ASAP2: variants seen among roughly 807,000 people sequenced by gnomAD.
ASAP2 encodes the protein arf-GAP with SH3 domain, ANK repeat and PH domain-containing protein 2.
Under a neutral mutation model 131.4 loss-of-function variants are expected in ASAP2, and 45 were observed. The observed-to-expected ratio is 0.34, with a 90% CI of 0.27 to 0.44. The LOEUF is 0.44. Ranked by LOEUF, ASAP2 falls within the 20% of genes least tolerant of loss-of-function variation. The probability of loss-of-function intolerance (pLI) is 1.00; values close to 1 mark genes in which losing one functional copy is unlikely to be tolerated. For synonymous variants in ASAP2, 510 were observed against 503.0 expected (o/e 1.01, Z -0.19); for missense variants, 1,011 against 1,297.0 (o/e 0.78, Z 3.39).
intron 1 of ASAP2, among the ~76,000 whole-genome samples, chr2:9,226,092 C>A (rs555137439): frequency 6.6e-6 from 1 of 152,330 alleles, no homozygotes; most frequent in Non-Finnish European, 1.5e-5. Context: ...CTCATGCGAG[C>A]TAGTCTCACC....
intron 9 of ASAP2, among the ~76,000 whole-genome samples, chr2:9,343,569 C>T (rs1381505018): frequency 2.0e-5 from 3 of 152,178 alleles, no homozygotes; most frequent in Non-Finnish European, 4.4e-5. Flanking sequence ...GCTTCAGCCT[C>T]CCGCATACCT....
intron 1 of ASAP2, among the ~76,000 whole-genome samples, chr2:9,248,912 G>A (rs1477619525): frequency 1.3e-5 from 2 of 152,142 alleles, no homozygotes; most frequent in African/African-American, 4.8e-5. Flanking sequence ...TGTCATGGAA[G>A]CTCTCCATGT....
At chr2:9,211,504 C>T (rs1459945550) in intron 1 of ASAP2, among the ~76,000 whole-genome samples, 1 of 152,056 alleles carries the variant, frequency 6.6e-6, no homozygotes, top group Non-Finnish European at 1.5e-5. Context: ...TCCTTTATAG[C>T]ACCATCCATT....
At chr2:9,298,383 G>A (rs1668279580) in intron 3 of ASAP2, among the ~76,000 whole-genome samples, 1 of 152,228 alleles carries the variant, frequency 6.6e-6, no homozygotes, top group Admixed American at 6.5e-5. Context: ...ATGGGAAGGG[G>A]AAGAGCAGGA....
chr2:9,383,111 C>T (rs1026370356), intron 20 of ASAP2, among the ~76,000 whole-genome samples: 4 of 150,176 alleles, frequency 2.7e-5, no homozygotes, highest in Non-Finnish European at 5.9e-5. Context: ...GGGGGGGCCA[C>T]GGGACTGTTT....
chr2:9,212,820 C>T (rs1044449758), intron 1 of ASAP2, among the ~76,000 whole-genome samples: 1 of 152,108 alleles, frequency 6.6e-6, no homozygotes, highest in Non-Finnish European at 1.5e-5. Flanking sequence ...AAATGCAGAG[C>T]CCCGGGTTCC....
chr2:9,343,502 A>G (rs1180063832), intron 9 of ASAP2, among the ~76,000 whole-genome samples: 1 of 152,136 alleles, frequency 6.6e-6, no homozygotes, highest in Non-Finnish European at 1.5e-5. Context: ...GTTGGAGTGC[A>G]GTGGTGCTAT....
intron 1 of ASAP2, among the ~76,000 whole-genome samples, chr2:9,263,553 T>A (rs1665725277): frequency 6.6e-6 from 1 of 152,264 alleles, no homozygotes; most frequent in Non-Finnish European, 1.5e-5. Context: ...TACTGTCATC[T>A]GTTTCCGTTT....
chr2:9,343,902 A>G (rs1671772776), intron 9 of ASAP2, among the ~76,000 whole-genome samples: 1 of 152,188 alleles, frequency 6.6e-6, no homozygotes, highest in Non-Finnish European at 1.5e-5. Flanking sequence ...TCAGCTGACC[A>G]TGTGGATGGT....
chr2:9,380,920 T>G (rs1446800529), intron 20 of ASAP2, 112 bp downstream of exon 20: 1 of 1,144,288 alleles, frequency 8.7e-7, no homozygotes, highest in Non-Finnish European at 1.2e-6. Context: ...CAGAGCTCAG[T>G]GTTTCTGATG....
intron 24 of ASAP2, among the ~76,000 whole-genome samples, chr2:9,396,892 C>G (rs983919071): frequency 3.3e-5 from 5 of 152,188 alleles, no homozygotes; most frequent in Admixed American, 2.6e-4. Context: ...ATCCCAGCTA[C>G]TCGGGAGGCA....
Position 9,268,067 on chromosome 2 carries a change from C to T in ASAP2, c.127-11250C>T, listed in dbSNP as rs1326151056. 6.6e-6 allele frequency among the ~76,000 whole-genome samples: 1 copy of T among 152,096 alleles called. No individual in the cohort carries two copies. The highest frequency in any genetic ancestry group is 1.5e-5 in the Non-Finnish European group (1 of 68,026). On this transcript the variant is annotated intron_variant, in intron 1 of 27. Coordinates refer to ENST00000281419, the MANE Select transcript of ASAP2 (RefSeq NM_003887.3). The surrounding 1 kb of genome is among the most constrained non-coding windows in gnomAD (Gnocchi z 4.1). ...GTAGTTTGCCAACAAGGTGTATATC[C>T]CTAAACATAAACAATTTAGTTTGGC... is the stretch of plus-strand genomic sequence containing the variant.
At chr2:9,323,338 T>C in intron 6 of ASAP2, 88 bp downstream of exon 6, 1 of 1,543,828 alleles carries the variant, frequency 6.5e-7, no homozygotes, top group Non-Finnish European at 8.7e-7. Flanking sequence ...TACCAGCGGC[T>C]TCAGAGAAAA....
chr2:9,345,868 A>C (rs1483884965), intron 11 of ASAP2, among the ~76,000 whole-genome samples: 1 of 152,090 alleles, frequency 6.6e-6, no homozygotes, highest in Non-Finnish European at 1.5e-5. Context: ...ACCCCAGCCG[A>C]AGCATGTCAC....
rs1675790764 is a variant in ASAP2 at position 9,392,290 on chromosome 2, C to T, written c.2518+1094C>T. Among the ~76,000 whole-genome samples the T allele has an allele frequency of 1.3e-5, 2 of 152,326 alleles. No homozygotes were observed. Among genetic ancestry groups the T allele is most frequent in the Admixed American group, 6.5e-5 (1 of 15,304 alleles). ...GTCTTTTTTCACTGGATCAGAGAAG[C>T]GAGCCCTGGATGCTGCCCTGTCTCC... On this transcript the variant is annotated intron_variant, in intron 23 of 27. Transcript: ENST00000281419. The surrounding 1 kb of genome is among the most constrained non-coding windows in gnomAD (Gnocchi z 4.0).
chr2:9,258,314 T>C (rs1665309076), intron 1 of ASAP2, among the ~76,000 whole-genome samples: 1 of 150,600 alleles, frequency 6.6e-6, no homozygotes, highest in South Asian at 2.1e-4. Flanking sequence ...CTATTCACAG[T>C]ATTGATAGTA....
At position 9,378,515 on chromosome 2, in the gene ASAP2, G is replaced by A. The variant is rs756087665; in HGVS notation, c.1833-429G>A. 4.1e-4 allele frequency among the ~76,000 whole-genome samples: 63 copies of A among 152,210 alleles called. 1 individual carries two copies. The highest frequency in any genetic ancestry group is 2.8e-3 in the Admixed American group (43 of 15,284). On this transcript the variant is annotated intron_variant, in intron 18 of 27. Transcript: ENST00000281419. ...AGAAAAGCTCAGCCTCCGTCCTCCC[G>A]TGGGACAGGATGGATGAGTCACACA...
intron 24 of ASAP2, chr2:9,399,004 A>T (rs1267481827): frequency 6.6e-6 from 1 of 152,210 alleles, no homozygotes; most frequent in Non-Finnish European, 1.5e-5. Context: ...AGAGACACAG[A>T]TGGAAAACAA....
intron 24 of ASAP2, among the ~76,000 whole-genome samples, chr2:9,394,672 G>A (rs985807669): frequency 2.6e-5 from 4 of 152,132 alleles, no homozygotes; most frequent in African/African-American, 9.7e-5. Flanking sequence ...TTTCTGTATT[G>A]AAATCCATGA....
Sources: allele counts gnomAD v4.1 joint callset (sites outside exome capture counted in the v4.1 genomes callset), GRCh38; gene constraint gnomAD v4.1.1; non-coding constraint Gnocchi (gnomAD v3.1); transcripts MANE v1.5; gene names NCBI Gene and HGNC (gene_info 2026-07-23, HGNC 2026-07-21).